ZNRF1: variants seen among roughly 807,000 people sequenced by gnomAD.
ZNRF1 encodes E3 ubiquitin-protein ligase ZNRF1.
ZNRF1 carries 3 observed loss-of-function variants against 18.4 expected under a neutral mutation model. The observed-to-expected ratio is 0.16, with a 90% CI of 0.07 to 0.42. The LOEUF is 0.42. ZNRF1 is among the 10% of genes least tolerant of loss of function. The pLI is 0.99. For synonymous variants in ZNRF1, 157 were observed against 144.2 expected (o/e 1.09, Z -0.64); for missense variants, 310 against 329.8 (o/e 0.94, Z 0.47).
rs895030375 is a variant in ZNRF1, at chr16:75,108,869, G to A, written c.*1169G>A. Reference sequence around the variant, plus strand: ...GTCCTCAGATAGTCAGGCCTGGGTGGAGGGAGTGGCAAGTCAGGCGTGCCT... The same window carrying A: ...GTCCTCAGATAGTCAGGCCTGGGTGAAGGGAGTGGCAAGTCAGGCGTGCCT... On this transcript the variant is annotated 3_prime_UTR_variant, in exon 5 of 5. Transcript: ENST00000335325. 1.7e-5 allele frequency: 5 copies of A among 289,816 alleles called. No homozygotes were observed. The highest frequency in any genetic ancestry group is 1.1e-4 in the African/African-American group (5 of 46,348). The allele number at this position is 289,816 out of a possible 1,614,324, so 18.0% of individuals were successfully genotyped here.
At chr16:75,042,965 G>T (rs2035468716) in intron 1 of ZNRF1, among the ~76,000 whole-genome samples, 1 of 152,198 alleles carries the variant, frequency 6.6e-6, no homozygotes, top group Admixed American at 6.5e-5. Context: ...GCCAAGGCCA[G>T]CTCCGGGACG....
At chr16:75,014,344 C>A (rs1490521834) in intron 1 of ZNRF1, among the ~76,000 whole-genome samples, 1 of 152,080 alleles carries the variant, frequency 6.6e-6, no homozygotes, top group African/African-American at 2.4e-5. Context: ...CTGTAGCTAT[C>A]CAAAACACCA....
intron 1 of ZNRF1, among the ~76,000 whole-genome samples, chr16:75,082,255 T>C (rs2036021273): frequency 1.3e-5 from 2 of 152,104 alleles, no homozygotes; most frequent in Non-Finnish European, 2.9e-5. Context: ...TTCCCCGTCA[T>C]TTCCTTCCTA....
intron 1 of ZNRF1, among the ~76,000 whole-genome samples, chr16:75,060,659 T>C (rs745482464): frequency 5.3e-5 from 8 of 151,902 alleles, no homozygotes; most frequent in Non-Finnish European, 1.0e-4. Context: ...GTATTTTTAG[T>C]AGAGATGGGG....
chr16:75,088,965 C>T (rs994884821), intron 1 of ZNRF1, among the ~76,000 whole-genome samples: 1 of 152,088 alleles, frequency 6.6e-6, no homozygotes, highest in Non-Finnish European at 1.5e-5. Flanking sequence ...TGATGGCACC[C>T]GGCAGAGATG....
chr16:75,032,011 CCTGT>C (rs935892107), intron 1 of ZNRF1, among the ~76,000 whole-genome samples: 5 of 151,932 alleles, frequency 3.3e-5, no homozygotes, highest in African/African-American at 1.2e-4. Flanking sequence ...CTTATTATTA[CCTGT>C]CTATTTGATA....
intron 1 of ZNRF1, among the ~76,000 whole-genome samples, chr16:75,039,607 A>G (rs924863880): frequency 6.6e-6 from 1 of 152,192 alleles, no homozygotes; most frequent in Admixed American, 6.5e-5. Context: ...TTTGGATATA[A>G]TACATCTCTG....
intron 1 of ZNRF1, among the ~76,000 whole-genome samples, chr16:75,073,146 C>CTG (rs1555513182): frequency 1.6e-3 from 204 of 128,734 alleles, no homozygotes; most frequent in Non-Finnish European, 2.4e-3. Context: ...CTCTCTCTCT[C>CTG]TCTCTCTGTC....
intron 1 of ZNRF1, among the ~76,000 whole-genome samples, chr16:75,008,375 GGTGTCA>G (rs2034950919): frequency 6.6e-6 from 1 of 152,114 alleles, no homozygotes; most frequent in Non-Finnish European, 1.5e-5. Context: ...AGAAGGTAAT[GGTGTCA>G]GTGTCGCCTT....
chr16:75,025,870 G>A (rs2035215964), intron 1 of ZNRF1, among the ~76,000 whole-genome samples: 1 of 152,036 alleles, frequency 6.6e-6, no homozygotes, highest in South Asian at 2.1e-4. Flanking sequence ...GAAAACACCA[G>A]GCAGTGGGGG....
At chr16:75,047,398 C>T (rs932120288) in intron 1 of ZNRF1, among the ~76,000 whole-genome samples, 4 of 152,206 alleles carry the variant, frequency 2.6e-5, no homozygotes, top group African/African-American at 9.7e-5. Flanking sequence ...GTCTTGAACT[C>T]CTGGCTACAA....
intron 1 of ZNRF1, among the ~76,000 whole-genome samples, chr16:75,020,070 G>GA (rs1189814792): frequency 6.6e-6 from 1 of 152,146 alleles, no homozygotes; most frequent in Non-Finnish European, 1.5e-5. Flanking sequence ...TTTAATGACT[G>GA]AATTTGTGAA....
intron 1 of ZNRF1, among the ~76,000 whole-genome samples, chr16:75,065,520 A>G (rs894244636): frequency 6.6e-6 from 1 of 152,166 alleles, no homozygotes; most frequent in Non-Finnish European, 1.5e-5. Flanking sequence ...TTTTTAATTA[A>G]TTATAAAAGT....
At chr16:75,013,349 A>ATT (rs375093001) in intron 1 of ZNRF1, among the ~76,000 whole-genome samples, 20 of 144,138 alleles carry the variant, frequency 1.4e-4, no homozygotes, top group Middle Eastern at 3.6e-3. Flanking sequence ...TGTCCATTCA[A>ATT]TTTTTTTTTT....
intron 2 of ZNRF1, among the ~76,000 whole-genome samples, chr16:75,096,065 T>TGTGTGTGTGC (rs2036196207): frequency 9.1e-6 from 1 of 110,152 alleles, no homozygotes; most frequent in Non-Finnish European, 1.7e-5. Context: ...TGTGCACGTG[T>TGTGTGTGTGC]GTGTGTGTGT....
At chr16:75,044,356 C>G (rs1347538966) in intron 1 of ZNRF1, among the ~76,000 whole-genome samples, 1 of 151,000 alleles carries the variant, frequency 6.6e-6, no homozygotes, top group Admixed American at 6.6e-5. Context: ...ATAGCTAGGA[C>G]TATAGGCATA....
Position 75,096,798 on chromosome 16 carries a change from G to A in ZNRF1, c.520+3131G>A, listed in dbSNP as rs544311337. The stretch of plus-strand genomic sequence containing the variant: ...GAAAGTAGTATTTTTCTTATTATGA[G>A]GGTTGGCCTGAGTGGTGGGTTGGAA... On this transcript the variant is annotated intron_variant, in intron 2 of 4. Coordinates refer to ENST00000335325, the MANE Select transcript of ZNRF1 (RefSeq NM_032268.5). 3.9e-5 allele frequency among the ~76,000 whole-genome samples: 6 copies of A among 152,286 alleles called. No homozygotes were observed. In the South Asian group the frequency reaches 8.3e-4, roughly 21 times the overall value.
intron 1 of ZNRF1, among the ~76,000 whole-genome samples, chr16:75,059,977 A>G (rs2035721504): frequency 6.6e-6 from 1 of 152,124 alleles, no homozygotes; most frequent in African/African-American, 2.4e-5. Context: ...ACAGCCCAGG[A>G]TATTAGGAGC....
chr16:75,030,062 C>CAA (rs34968109), intron 1 of ZNRF1, among the ~76,000 whole-genome samples: 9 of 97,738 alleles, frequency 9.2e-5, no homozygotes, highest in Non-Finnish European at 1.1e-4. Context: ...GATGCTATCT[C>CAA]AAAAAAAAAA....
Sources: allele counts gnomAD v4.1 joint callset (sites outside exome capture counted in the v4.1 genomes callset), GRCh38; gene constraint gnomAD v4.1.1; transcripts MANE v1.5; gene names NCBI Gene and HGNC (gene_info 2026-07-23, HGNC 2026-07-21).